The following SMYD3 variants were observed in gnomAD, a reference collection of about 807,000 sequenced individuals.
SMYD3 encodes the protein histone-lysine N-methyltransferase SMYD3.
A neutral mutation model predicts 57.7 loss-of-function variants in SMYD3; 36 were observed. That is an observed-to-expected ratio of 0.62 (90% CI 0.48 to 0.82). The LOEUF is 0.82. Among genes scored for constraint, SMYD3 ranks in the 40% least tolerant of loss-of-function variants. SMYD3 has a pLI of 0.00. For synonymous variants in SMYD3, 211 were observed against 195.0 expected (o/e 1.08, Z -0.68); for missense variants, 515 against 538.8 (o/e 0.96, Z 0.44).
chr1:245,932,007 T>C (rs1207804372), intron 5 of SMYD3, among the ~76,000 whole-genome samples: 1 of 152,232 alleles, frequency 6.6e-6, no homozygotes, highest in Non-Finnish European at 1.5e-5. Flanking sequence ...TATGTATAAA[T>C]TGGATGGTAA....
rs187584956 is a variant in SMYD3 at position 246,315,765 on chromosome 1, T to C, written c.531+11436A>G. On this transcript the variant is annotated intron_variant, in intron 5 of 11. Transcript: ENST00000490107. ...CATTAGGTACTAAACACAGAAACTG[T>C]AATGAAAATCAACTTTTGAAGATAG... is the stretch of plus-strand genomic sequence containing the variant. Among the ~76,000 whole-genome samples, 4 of 152,352 alleles carry C rather than the reference T, an allele frequency of 2.6e-5. No homozygotes were observed. The East Asian group carries it at 7.7e-4, about 29-fold the overall frequency.
In SMYD3 at chr1:245,897,888, G is replaced by T. The variant is rs536433461; in HGVS notation, c.813+17642C>A. ...CACTGCAGCCTAGAAGACACAGTGA[G>T]ACTGTCTCCAAAAAAAAAAAAAGTA... On this transcript the variant is annotated intron_variant, in intron 8 of 11. Coordinates refer to ENST00000490107, the MANE Select transcript of SMYD3 (RefSeq NM_001167740.2). Among the ~76,000 whole-genome samples, 14 of 150,586 alleles carry T rather than the reference G, an allele frequency of 9.3e-5. No homozygotes were observed. The South Asian group carries it at 2.9e-3, about 31-fold the overall frequency.
chr1:246,407,450 G>A (rs900231395), intron 1 of SMYD3, among the ~76,000 whole-genome samples: 23 of 152,318 alleles, frequency 1.5e-4, no homozygotes, highest in Middle Eastern at 3.4e-3. Context: ...CGCCATGACC[G>A]CTCTCCTAGT....
At chr1:245,943,172 CA>C (rs61600738) in intron 5 of SMYD3, among the ~76,000 whole-genome samples, 31,117 of 108,560 alleles carry the variant, frequency 0.29, 4,846 homozygotes, top group African/African-American at 0.54. Context: ...ACACACTTTC[CA>C]AAAAAAAAAA....
chr1:245,800,439 A>T (rs2047803587), intron 10 of SMYD3, among the ~76,000 whole-genome samples: 2 of 152,092 alleles, frequency 1.3e-5, no homozygotes, highest in African/African-American at 4.8e-5. Flanking sequence ...TTTTTTTTTA[A>T]ATAATGCTAT....
intron 10 of SMYD3, among the ~76,000 whole-genome samples, chr1:245,835,720 C>A (rs972774589): frequency 6.6e-6 from 1 of 152,128 alleles, no homozygotes; most frequent in Non-Finnish European, 1.5e-5. Context: ...GGCAGGGGAC[C>A]TTTCTAATGA....
chr1:246,230,635 A>G (rs1236421400), intron 5 of SMYD3, among the ~76,000 whole-genome samples: 1 of 152,146 alleles, frequency 6.6e-6, no homozygotes, highest in East Asian at 1.9e-4. Context: ...TGTTGGACTT[A>G]TTTTTGTCAA....
intron 10 of SMYD3, among the ~76,000 whole-genome samples, chr1:245,857,510 C>T (rs941786955): frequency 5.9e-5 from 9 of 152,186 alleles, no homozygotes; most frequent in Admixed American, 2.6e-4. Flanking sequence ...GCCTGTTGTC[C>T]TACGTTGCCC....
chr1:246,329,995 G>A (rs2065432311), intron 4 of SMYD3, among the ~76,000 whole-genome samples: 1 of 152,130 alleles, frequency 6.6e-6, no homozygotes, highest in South Asian at 2.1e-4. Context: ...CAAGAAGGTG[G>A]CTACCTACAT....
At chr1:246,350,848 G>A (rs2065810608) in intron 2 of SMYD3, among the ~76,000 whole-genome samples, 1 of 152,210 alleles carries the variant, frequency 6.6e-6, no homozygotes, top group Admixed American at 6.5e-5. Context: ...GACACCTGTG[G>A]AGGTCAAAAA....
At chr1:246,348,060 T>TA (rs1173574600) in intron 2 of SMYD3, among the ~76,000 whole-genome samples, 11 of 82,992 alleles carry the variant, frequency 1.3e-4, no homozygotes, top group African/African-American at 3.0e-4. Context: ...AAAGAAAACG[T>TA]TATATATATA....
intron 11 of SMYD3, among the ~76,000 whole-genome samples, chr1:245,753,675 C>A (rs938964716): frequency 1.3e-5 from 2 of 152,158 alleles, no homozygotes; most frequent in Admixed American, 6.5e-5. Context: ...CTGTGTGGCC[C>A]TGGGCACAGC....
At chr1:246,398,353 C>T (rs567911675) in intron 1 of SMYD3, among the ~76,000 whole-genome samples, 5 of 152,358 alleles carry the variant, frequency 3.3e-5, no homozygotes, top group African/African-American at 4.8e-5. Context: ...GTTTGGCCCA[C>T]GCCCAGAAAT....
At chr1:245,866,938 C>A (rs2051888854) in intron 8 of SMYD3, among the ~76,000 whole-genome samples, 1 of 152,194 alleles carries the variant, frequency 6.6e-6, no homozygotes, top group Non-Finnish European at 1.5e-5. Context: ...TCACAACTGG[C>A]AGCTTAAACC....
chr1:246,357,771 C>T (rs144065092), intron 1 of SMYD3, among the ~76,000 whole-genome samples: 3,241 of 152,210 alleles, frequency 0.021, 92 homozygotes, highest in Admixed American at 0.084. Flanking sequence ...TGAGAGAATT[C>T]GCCACTACCA....
At chr1:246,443,542 G>A (rs2067501948) in intron 1 of SMYD3, among the ~76,000 whole-genome samples, 1 of 152,200 alleles carries the variant, frequency 6.6e-6, no homozygotes. Context: ...AAAGAAATAA[G>A]TCCTAACTCC....
rs186788768 is a variant in SMYD3, at chr1:245,994,166, T to C, written c.532-64229A>G. The stretch of plus-strand genomic sequence containing the variant: ...GAAGAGTTTCTGTTACTCTTATCTT[T>C]CCCAAGTCACATTAAGTAGGAATTT... On this transcript the variant is annotated intron_variant, in intron 5 of 11. Coordinates refer to ENST00000490107, the MANE Select transcript of SMYD3 (RefSeq NM_001167740.2). Among the ~76,000 whole-genome samples, 145 of 152,356 alleles carry C rather than the reference T, an allele frequency of 9.5e-4. 1 individual carries two copies. Among genetic ancestry groups the C allele is most frequent in the African/African-American group, 3.2e-3 (133 of 41,592 alleles).
chr1:246,273,148 T>G (rs1485020122), intron 5 of SMYD3, among the ~76,000 whole-genome samples: 1 of 132,800 alleles, frequency 7.5e-6, no homozygotes, highest in South Asian at 2.6e-4. Flanking sequence ...TTTTTTTTTT[T>G]TTTTCTTTTT....
intron 5 of SMYD3, among the ~76,000 whole-genome samples, chr1:246,042,885 T>A (rs1193307678): frequency 2.0e-5 from 3 of 152,210 alleles, no homozygotes; most frequent in African/African-American, 7.2e-5. Flanking sequence ...GATTAATTTT[T>A]TACTCATTTT....
Sources: allele counts gnomAD v4.1 joint callset (sites outside exome capture counted in the v4.1 genomes callset), GRCh38; gene constraint gnomAD v4.1.1; transcripts MANE v1.5; gene names NCBI Gene and HGNC (gene_info 2026-07-23, HGNC 2026-07-21).